CDH13: variants seen among roughly 807,000 people sequenced by gnomAD.
CDH13 encodes the protein cadherin-13.
A neutral mutation model predicts 63.8 loss-of-function variants in CDH13; 24 were observed. The ratio of observed to expected loss-of-function variants is 0.38; its 90% CI spans 0.27 to 0.53. The LOEUF (loss-of-function observed/expected upper bound fraction) is 0.53. Ranked by LOEUF, CDH13 falls within the 20% of genes least tolerant of loss-of-function variation. The pLI, the probability that CDH13 is intolerant of heterozygous loss-of-function variation, is 0.85. For synonymous variants in CDH13, 503 were observed against 355.3 expected (o/e 1.42, Z -4.67); for missense variants, 1,049 against 903.1 (o/e 1.16, Z -2.07).
chr16:82,637,989 G>C (rs963347631), intron 1 of CDH13, among the ~76,000 whole-genome samples: 2 of 152,210 alleles, frequency 1.3e-5, no homozygotes, highest in East Asian at 3.9e-4. Flanking sequence ...GTAAGTACTT[G>C]AAATAATTAC....
At chr16:83,117,459 C>T (rs941934458) in intron 3 of CDH13, among the ~76,000 whole-genome samples, 2 of 152,108 alleles carry the variant, frequency 1.3e-5, no homozygotes, top group African/African-American at 4.8e-5. Context: ...GCACCCTCTC[C>T]CCCTGAGCAC....
chr16:83,595,761 C>G (rs2150742308), intron 7 of CDH13, among the ~76,000 whole-genome samples: 1 of 152,352 alleles, frequency 6.6e-6, no homozygotes, highest in African/African-American at 2.4e-5. Flanking sequence ...CTGAGCTGTA[C>G]AGTCTAGCCC....
intron 5 of CDH13, among the ~76,000 whole-genome samples, chr16:83,312,304 C>A (rs1487538427): frequency 6.6e-6 from 1 of 152,026 alleles, no homozygotes; most frequent in Non-Finnish European, 1.5e-5. Context: ...GATTGAAGGA[C>A]AGGGAAAAAC....
intron 6 of CDH13, among the ~76,000 whole-genome samples, chr16:83,446,701 C>G (rs1441695024): frequency 6.6e-6 from 1 of 152,060 alleles, no homozygotes; most frequent in Non-Finnish European, 1.5e-5. Flanking sequence ...TTAATTTAAA[C>G]AAGTTCAGTA....
chr16:83,126,661 G>T (rs1218411362), intron 4 of CDH13, among the ~76,000 whole-genome samples: 1 of 152,166 alleles, frequency 6.6e-6, no homozygotes, highest in Non-Finnish European at 1.5e-5. Flanking sequence ...AAGAACAAGG[G>T]AGTCAGAAAT....
At chr16:83,172,613 G>T (rs1338012524) in intron 4 of CDH13, among the ~76,000 whole-genome samples, 2 of 151,884 alleles carry the variant, frequency 1.3e-5, no homozygotes, top group Non-Finnish European at 2.9e-5. Context: ...GAGAAGCTAG[G>T]AGACAGGCTT....
intron 7 of CDH13, among the ~76,000 whole-genome samples, chr16:83,584,334 T>A (rs1469524129): frequency 6.6e-6 from 1 of 152,092 alleles, no homozygotes; most frequent in South Asian, 2.1e-4. Flanking sequence ...ATCTCAAAAA[T>A]TTTTAAAAAA....
intron 8 of CDH13, among the ~76,000 whole-genome samples, chr16:83,649,331 G>A (rs979479904): frequency 2.2e-4 from 34 of 152,160 alleles, no homozygotes; most frequent in Non-Finnish European, 1.2e-4. Flanking sequence ...AATTTACAGT[G>A]CTTATTTTTG....
rs56083334 is a variant in CDH13, at chr16:82,748,604, C to CAA, written c.46-109752_46-109751dup. Among the ~76,000 whole-genome samples the CAA allele has an allele frequency of 6.6e-5, 10 of 151,822 alleles. No homozygotes were observed. In the East Asian group the frequency reaches 9.7e-4, roughly 15 times the overall value. On this transcript the variant is annotated intron_variant, in intron 1 of 13. Coordinates refer to ENST00000567109, the MANE Select transcript of CDH13 (RefSeq NM_001257.5). Reference sequence around the variant, plus strand: ...GTGAGCAATGTGATGAAGCTGCTAACAAAAAAATCAAAGAGAAAACTCTAA... The same window carrying CAA: ...GTGAGCAATGTGATGAAGCTGCTAACAAAAAAAAATCAAAGAGAAAACTCTAA...
At chr16:82,648,517 C>T (rs1158019729) in intron 1 of CDH13, among the ~76,000 whole-genome samples, 2 of 152,064 alleles carry the variant, frequency 1.3e-5, no homozygotes, top group Admixed American at 6.5e-5. Context: ...ATGGAAAAAT[C>T]ATATGAATGA....
chr16:83,657,417 C>G (rs1567489389), intron 8 of CDH13, among the ~76,000 whole-genome samples: 1 of 152,202 alleles, frequency 6.6e-6, no homozygotes, highest in Admixed American at 6.5e-5. Context: ...CTTCTAGGTT[C>G]ATGAGTAGGC....
intron 3 of CDH13, among the ~76,000 whole-genome samples, chr16:83,108,616 G>A (rs555063972): frequency 6.0e-4 from 92 of 152,250 alleles, no homozygotes; most frequent in Non-Finnish European, 1.1e-3. Context: ...AGAGTTGGTC[G>A]GGAAAGGGTG....
chr16:83,033,081 T>C (rs1271387960), intron 3 of CDH13, among the ~76,000 whole-genome samples: 2 of 152,232 alleles, frequency 1.3e-5, no homozygotes, highest in Non-Finnish European at 2.9e-5. Flanking sequence ...ATATGTACCA[T>C]ATACTTATGT....
At chr16:83,758,270 A>G (rs1221519108) in intron 11 of CDH13, among the ~76,000 whole-genome samples, 1 of 152,168 alleles carries the variant, frequency 6.6e-6, no homozygotes, top group Non-Finnish European at 1.5e-5. Context: ...ACAAGATCTT[A>G]CAAGAAATTA....
chr16:82,913,450 C>A (rs1322657655), intron 2 of CDH13, among the ~76,000 whole-genome samples: 1 of 152,068 alleles, frequency 6.6e-6, no homozygotes, highest in East Asian at 1.9e-4. Flanking sequence ...TCCTCCTTAC[C>A]CTGGACTGTA....
At chr16:83,096,230 G>C (rs950268925) in intron 3 of CDH13, among the ~76,000 whole-genome samples, 5 of 152,144 alleles carry the variant, frequency 3.3e-5, no homozygotes, top group Admixed American at 2.0e-4. Flanking sequence ...TTAATCATCA[G>C]GTCTCAGGAG....
intron 7 of CDH13, among the ~76,000 whole-genome samples, chr16:83,524,562 C>T (rs374933057): frequency 2.1e-5 from 3 of 146,218 alleles, no homozygotes; most frequent in South Asian, 4.4e-4. Context: ...ACGCCATTCT[C>T]CTGCCTCAGC....
intron 6 of CDH13, among the ~76,000 whole-genome samples, chr16:83,476,183 C>G (rs918007051): frequency 6.6e-6 from 1 of 152,142 alleles, no homozygotes; most frequent in Non-Finnish European, 1.5e-5. Context: ...ATTCTGGTGC[C>G]TTTGAACATT....
At chr16:83,634,782 T>C (rs1025539868) in intron 8 of CDH13, among the ~76,000 whole-genome samples, 2 of 152,182 alleles carry the variant, frequency 1.3e-5, no homozygotes, top group African/African-American at 4.8e-5. Flanking sequence ...TTCCTTTTGA[T>C]TGCTGAGTGA....
Sources: allele counts gnomAD v4.1 joint callset (sites outside exome capture counted in the v4.1 genomes callset), GRCh38; gene constraint gnomAD v4.1.1; transcripts MANE v1.5; gene names NCBI Gene and HGNC (gene_info 2026-07-23, HGNC 2026-07-21).